Variants in VPS50 observed in about 807,000 individuals in gnomAD.
VPS50 encodes the protein VPS50 subunit of EARP/GARPII complex, also known as syndetin.
In VPS50, 70 loss-of-function variants were observed where a neutral mutation model predicts 139.7. The ratio of observed to expected loss-of-function variants is 0.50; its 90% confidence interval spans 0.41 to 0.61. VPS50 has a LOEUF of 0.61. Among genes scored for constraint, VPS50 ranks in the 20% least tolerant of loss-of-function variants. The probability of loss-of-function intolerance (pLI) is 0.00; values close to 1 mark genes in which losing one functional copy is unlikely to be tolerated. For missense variants in VPS50, 921 were observed against 1,133.7 expected, an observed-to-expected ratio of 0.81 and a Z score of 2.69; for synonymous variants, 365 against 376.7, an observed-to-expected ratio of 0.97 and a Z score of 0.36.
intron 10 of VPS50, 151 bp from the exon 11 acceptor site, chr7:93,272,484 T>C (rs1796038218): frequency 2.4e-6 from 1 of 417,408 alleles, no homozygotes; most frequent in Non-Finnish European, 4.2e-6. Context: ...TATAACTTTA[T>C]TTAAATTTGT....
chr7:93,329,809 C>A lies in VPS50; in HGVS notation c.1978-4308C>A, dbSNP rs560608823. 8.6e-5 allele frequency among the ~76,000 whole-genome samples: 13 copies of A among 151,896 alleles called. No individual in the cohort carries two copies. In the East Asian group the frequency reaches 2.5e-3, roughly 29 times the overall value. On this transcript the variant is annotated intron_variant, in intron 21 of 27. Transcript: ENST00000305866. ...TTTTATATCCAGTAAAAACGTCATT[C>A]GAGAATGAAAGTGAAATTAAGATAC... is the stretch of plus-strand genomic sequence containing the variant.
chr7:93,330,928 A>T (rs1245779117), intron 21 of VPS50, among the ~76,000 whole-genome samples: 26 of 152,072 alleles, frequency 1.7e-4, no homozygotes, highest in Admixed American at 1.4e-3. Flanking sequence ...TAGAACTAAT[A>T]AGTACATTTA....
intron 21 of VPS50, among the ~76,000 whole-genome samples, chr7:93,333,163 T>G (rs2117044368): frequency 6.6e-6 from 1 of 152,116 alleles, no homozygotes; most frequent in South Asian, 2.1e-4. Flanking sequence ...CTGGAGAAAA[T>G]AAAATGTATT....
chr7:93,264,669 T>C (rs1795786733), intron 9 of VPS50, among the ~76,000 whole-genome samples: 1 of 152,216 alleles, frequency 6.6e-6, no homozygotes. Flanking sequence ...GGTTGTAGAA[T>C]GTCTTTACGT....
At chr7:93,288,921 C>A (rs769665929) in intron 12 of VPS50, among the ~76,000 whole-genome samples, 2 of 152,042 alleles carry the variant, frequency 1.3e-5, no homozygotes, top group Non-Finnish European at 2.9e-5. Flanking sequence ...TACCCTCTCA[C>A]AGAGACTGGG....
chr7:93,341,027 G>A (rs1004892035), intron 22 of VPS50, among the ~76,000 whole-genome samples: 14 of 152,114 alleles, frequency 9.2e-5, no homozygotes, highest in African/African-American at 3.1e-4. Flanking sequence ...TAAAATTTGG[G>A]TGTGAGATGG....
chr7:93,246,052 C>G (rs1178709073), intron 2 of VPS50: 1 of 1,153,602 alleles, frequency 8.7e-7, no homozygotes. Context: ...TTACTTCTAG[C>G]TCTGTTTAGA....
At position 93,259,649 on chromosome 7, in the gene VPS50, GT is replaced by G; in HGVS notation, c.659+21del. 7.3e-7 allele frequency: 1 copy of G among 1,371,286 alleles called. No individual in the cohort carries two copies. The highest frequency in any genetic ancestry group is 1.0e-6 in the Non-Finnish European group (1 of 964,552). 84.9% of individuals were successfully genotyped at this position (1,371,286 alleles called of 1,614,324 possible). A position where few individuals can be genotyped will look rare whatever the true frequency, so the allele number is the denominator to read the frequency against. ...TTGTATAAGGTAAGGTCATGTAAATGTTTTAAAGCAGATTCTGTTGTCAGCT... is the reference window on the plus strand; with the variant it reads ...TTGTATAAGGTAAGGTCATGTAAATGTTTAAAGCAGATTCTGTTGTCAGCT... On this transcript the variant is annotated intron_variant, in intron 9 of 27. Coordinates refer to ENST00000305866, the MANE Select transcript of VPS50 (RefSeq NM_017667.4).
At chr7:93,339,155 T>A (rs979495773) in intron 22 of VPS50, among the ~76,000 whole-genome samples, 1 of 152,034 alleles carries the variant, frequency 6.6e-6, no homozygotes. Flanking sequence ...TGGAGTAGGG[T>A]TATTTCCTTT....
chr7:93,353,901 AAC>A, intron 26 of VPS50, 140 bp downstream of exon 26: 1 of 654,092 alleles, frequency 1.5e-6, no homozygotes, highest in South Asian at 2.4e-5. Flanking sequence ...TTAGAGAAGA[AAC>A]CTTAGACCCC....
intron 1 of VPS50, among the ~76,000 whole-genome samples, chr7:93,233,020 C>T (rs554894765): frequency 1.3e-5 from 2 of 152,310 alleles, no homozygotes; most frequent in South Asian, 4.1e-4. Context: ...CTTCACAGTT[C>T]TGTTATGAGG....
intron 16 of VPS50, among the ~76,000 whole-genome samples, chr7:93,301,807 G>A (rs149095659): frequency 2.6e-5 from 4 of 152,240 alleles, no homozygotes; most frequent in African/African-American, 7.2e-5. Context: ...CTATGGTAAC[G>A]CTCTCTGTTT....
chr7:93,243,732 A>C (rs936626083), intron 2 of VPS50, among the ~76,000 whole-genome samples: 28 of 151,948 alleles, frequency 1.8e-4, no homozygotes, highest in African/African-American at 6.5e-4. Context: ...AATATATGAT[A>C]GTAGAGCCAC....
intron 20 of VPS50, chr7:93,321,277 A>G (rs1430078118): frequency 6.6e-6 from 1 of 152,318 alleles, no homozygotes; most frequent in East Asian, 1.9e-4. Flanking sequence ...GCTCAAACCT[A>G]CCAGCCTCGC....
intron 21 of VPS50, among the ~76,000 whole-genome samples, chr7:93,328,175 C>A (rs1353511360): frequency 6.6e-6 from 1 of 152,156 alleles, no homozygotes; most frequent in African/African-American, 2.4e-5. Context: ...GCCTTGTCCC[C>A]AGCTTTCCAT....
At position 93,243,100 on chromosome 7, in the gene VPS50, G is replaced by A. The variant is rs935648377; in HGVS notation, c.102+3166G>A. Among the ~76,000 whole-genome samples the A allele has an allele frequency of 5.3e-5, 8 of 151,914 alleles. No individual in the cohort carries two copies. In the South Asian group the frequency reaches 6.2e-4, roughly 12 times the overall value. On this transcript the variant is annotated intron_variant, in intron 2 of 27. Coordinates refer to ENST00000305866, the MANE Select transcript of VPS50 (RefSeq NM_017667.4). ...TTATAGACAATCTGATCCTGTGCCC[G>A]ATTTTAAGAGCAGATGCAAGTCAAA... is the stretch of plus-strand genomic sequence containing the variant.
chr7:93,255,408 C>T (rs975320364), intron 4 of VPS50, among the ~76,000 whole-genome samples: 5 of 152,090 alleles, frequency 3.3e-5, no homozygotes, highest in Non-Finnish European at 5.9e-5. Flanking sequence ...AGAGGTGGAG[C>T]TCAGGTTGTA....
At chr7:93,250,798 G>T (rs907705788) in intron 2 of VPS50, among the ~76,000 whole-genome samples, 1 of 152,066 alleles carries the variant, frequency 6.6e-6, no homozygotes, top group African/African-American at 2.4e-5. Context: ...CTATCCATCT[G>T]ACAAAGAGCT....
At chr7:93,342,308 A>T (rs1266719242) in intron 23 of VPS50, among the ~76,000 whole-genome samples, 6 of 152,130 alleles carry the variant, frequency 3.9e-5, no homozygotes, top group Non-Finnish European at 8.8e-5. Context: ...TATATCCCGC[A>T]CCTGGCTCGG....
Sources: allele counts gnomAD v4.1 joint callset (sites outside exome capture counted in the v4.1 genomes callset), GRCh38; gene constraint gnomAD v4.1.1; transcripts MANE v1.5; gene names NCBI Gene and HGNC (gene_info 2026-07-23, HGNC 2026-07-21).